The following GLYATL1 variants were observed in gnomAD, a reference collection of about 807,000 sequenced individuals.
GLYATL1 encodes the protein glycine N-acyltransferase-like protein 1.
In GLYATL1, 15 loss-of-function variants were observed where a neutral mutation model predicts 20.0. That is an observed-to-expected ratio of 0.75 (90% CI 0.50 to 1.15). GLYATL1 has a LOEUF of 1.15. GLYATL1 is among the 50% of genes most tolerant of loss of function. The pLI, the probability that GLYATL1 is intolerant of heterozygous loss-of-function variation, is 0.00. For missense variants in GLYATL1, 380 were observed against 368.5 expected, an observed-to-expected ratio of 1.03 and a Z score of -0.26; for synonymous variants, 151 against 131.5, an observed-to-expected ratio of 1.15 and a Z score of -1.01.
chr11:58,908,363 G>C (rs940404140), exon 2 of GLYATL1: 1 of 152,964 alleles, frequency 6.5e-6, no homozygotes, highest in African/African-American at 2.4e-5. Context: ...CATAGATCTT[G>C]TTTTTTTGTT....
intron 4 of GLYATL1, among the ~76,000 whole-genome samples, chr11:58,949,862 T>C (rs948475076): frequency 6.6e-6 from 1 of 152,024 alleles, no homozygotes; most frequent in Non-Finnish European, 1.5e-5. Context: ...AATTTTTTCA[T>C]TGTTGATTTT....
chr11:58,917,869 C>G (rs1855213038), intron 1 of GLYATL1, among the ~76,000 whole-genome samples: 1 of 152,210 alleles, frequency 6.6e-6, no homozygotes, highest in African/African-American at 2.4e-5. Context: ...ATAATGTTAT[C>G]AAGACTTCAC....
chr11:58,941,286 C>A (rs1372852929), intron 1 of GLYATL1, among the ~76,000 whole-genome samples: 2 of 146,354 alleles, frequency 1.4e-5, no homozygotes, highest in East Asian at 4.1e-4. Flanking sequence ...TGAGAACATG[C>A]GGTGTTTGGT....
chr11:58,944,548 A>T (rs1856429194), intron 2 of GLYATL1, among the ~76,000 whole-genome samples: 1 of 152,226 alleles, frequency 6.6e-6, no homozygotes, highest in Non-Finnish European at 1.5e-5. Context: ...TCAATGGTAC[A>T]AACTAAAATT....
At chr11:58,939,712 A>G (rs994850139) in intron 1 of GLYATL1, 62 bp downstream of exon 1, 1 of 152,182 alleles carries the variant, frequency 6.6e-6, no homozygotes, top group Admixed American at 6.5e-5. Context: ...GAAATTTTTA[A>G]AGGAATTTCC....
Position 58,907,260 on chromosome 11 carries a change from G to C in GLYATL1, n.258G>C, listed in dbSNP as rs75947442. On this transcript the variant is annotated non_coding_transcript_exon_variant, in exon 2 of 2. Transcript: ENST00000524629. ...CTGCAGGTCACCCGCCAGGTTTGTG[G>C]CCTGTGATCTCTTGTCACCTTGGTC... 428 of 456,212 alleles carry C rather than the reference G, an allele frequency of 9.4e-4. 2 individuals carry two copies. Among genetic ancestry groups the C allele is most frequent in the African/African-American group, 8.0e-3 (399 of 50,166 alleles). 28.3% of individuals were successfully genotyped at this position (456,212 alleles called of 1,614,324 possible).
chr11:58,955,672 A>G lies in GLYATL1; in HGVS notation c.554A>G (p.Asn185Ser), dbSNP rs1857355393. ...TCTTATTCTGGGCTGGTAAATGACAACTGGAAGCGAGGGAAGAATGAGAGG... is the reference window on the plus strand; with the variant it reads ...TCTTATTCTGGGCTGGTAAATGACAGCTGGAAGCGAGGGAAGAATGAGAGG... ...DVSYSGLVNDNWKRGKNERSL... is the reference protein window; with the variant it reads ...DVSYSGLVNDSWKRGKNERSL... The change falls in exon 7 of 7, where the codon AAC becomes AGC. Residue 185 changes from asparagine to serine, a missense_variant. Coordinates refer to ENST00000532726, the MANE Select transcript of GLYATL1 (RefSeq NM_001389712.2). 1 of 1,614,174 alleles carries G rather than the reference A, an allele frequency of 6.2e-7. No individual in the cohort carries two copies. Among genetic ancestry groups the G allele is most frequent in the Non-Finnish European group, 8.5e-7 (1 of 1,180,034 alleles).
intron 4 of GLYATL1, among the ~76,000 whole-genome samples, chr11:58,948,206 C>T (rs1028658244): frequency 2.6e-5 from 4 of 152,150 alleles, no homozygotes; most frequent in African/African-American, 9.7e-5. Flanking sequence ...GGCTGACACT[C>T]ACAGATTAAG....
chr11:58,948,887 G>A (rs750607657), intron 4 of GLYATL1, among the ~76,000 whole-genome samples: 24 of 152,166 alleles, frequency 1.6e-4, no homozygotes, highest in Non-Finnish European at 3.1e-4. Context: ...AAGTGCAGTG[G>A]ACTCTACCAC....
downstream of GLYATL1, among the ~76,000 whole-genome samples, chr11:58,910,516 T>G (rs73483003): frequency 1.3e-5 from 2 of 152,162 alleles, no homozygotes; most frequent in Non-Finnish European, 2.9e-5. Flanking sequence ...GTGGCTGTGG[T>G]ATTAGACAAT....
chr11:58,954,901 C>A lies in GLYATL1; in HGVS notation c.313+5C>A, dbSNP rs368951690. 3.1e-6 allele frequency: 5 copies of A among 1,604,566 alleles called. No individual in the cohort carries two copies. In the African/African-American group the frequency reaches 5.4e-5, roughly 17 times the overall value. ...AACAGAGACTCCAAATCCAAGGTAA[C>A]GAGTCTGAAGAAATGGGCAAGCAGC... On this transcript the variant is annotated splice_donor_5th_base_variant and intron_variant, in intron 5 of 6. Transcript: ENST00000532726.
chr11:58,955,912 C>G lies in GLYATL1; in HGVS notation c.794C>G (p.Ser265Cys). The change falls in exon 7 of 7, where the codon TCT becomes TGT. Residue 265 changes from serine (S) to cysteine (C), a missense_variant. Coordinates refer to ENST00000532726, the MANE Select transcript of GLYATL1 (RefSeq NM_001389712.2). ...LRQKNIPFYISVLEENEDSRR... is the reference protein window; with the variant it reads ...LRQKNIPFYICVLEENEDSRR... ...CAGAAGAATATTCCATTTTACATCT[C>G]TGTGTTGGAAGAAAATGAAGACTCC... 2 of 1,614,202 alleles carry G rather than the reference C, an allele frequency of 1.2e-6. No individual in the cohort carries two copies. The highest frequency in any genetic ancestry group is 2.2e-5 in the South Asian group (2 of 91,080).
exon 2 of GLYATL1, chr11:58,907,349 A>T (rs754597015): frequency 2.2e-5 from 10 of 456,130 alleles, no homozygotes; most frequent in Non-Finnish European, 4.4e-5. Context: ...CTTCCTTGCG[A>T]CACTGGCCTG....
intron 1 of GLYATL1, among the ~76,000 whole-genome samples, 164 bp downstream of exon 1, chr11:58,939,814 G>T (rs1205824450): frequency 6.6e-6 from 1 of 152,216 alleles, no homozygotes; most frequent in Non-Finnish European, 1.5e-5. Context: ...TTGTCATTGT[G>T]TGTGTGTCCA....
At chr11:58,939,154 A>G (rs117525869), upstream of GLYATL1, among the ~76,000 whole-genome samples, 24 of 152,190 alleles carry the variant, frequency 1.6e-4, no homozygotes, top group Admixed American at 8.5e-4. Flanking sequence ...CTCAAAAAGT[A>G]TCAAAGAATT....
At chr11:58,915,597 C>G (rs1450285889) in intron 1 of GLYATL1, among the ~76,000 whole-genome samples, 1 of 152,200 alleles carries the variant, frequency 6.6e-6, no homozygotes, top group Admixed American at 6.5e-5. Flanking sequence ...AGACTCACCT[C>G]AGATATATTA....
chr11:58,912,357 G>T (rs1855065918), downstream of GLYATL1, among the ~76,000 whole-genome samples: 1 of 152,340 alleles, frequency 6.6e-6, no homozygotes, highest in African/African-American at 2.4e-5. Flanking sequence ...CCAGTCAACT[G>T]TTAGTGGCTC....
rs1856944861 is a variant in GLYATL1 at position 58,950,913 on chromosome 11, T to A, written c.186+2948T>A. Among the ~76,000 whole-genome samples the A allele has an allele frequency of 2.0e-5, 3 of 152,198 alleles. No homozygotes were observed. In the South Asian group the frequency reaches 6.2e-4, roughly 32 times the overall value. ...ACTTTTACACTGGGGTTTTGTGTCA[T>A]TCTTAAAATTTTGTAAGTGTTTTGG... On this transcript the variant is annotated intron_variant, in intron 4 of 6. Transcript: ENST00000532726.
chr11:58,947,201 G>C, intron 3 of GLYATL1, 36 bp downstream of exon 3: 1 of 1,597,940 alleles, frequency 6.3e-7, no homozygotes, highest in South Asian at 1.1e-5. Flanking sequence ...TATGGGAGTA[G>C]GGGTGTTGAG....
Sources: gnomAD v4.1 joint callset for allele counts (sites outside exome capture counted in the v4.1 genomes callset) on GRCh38, gnomAD v4.1.1 for gene constraint, MANE v1.5 for transcripts, NCBI Gene and HGNC (gene_info 2026-07-23, HGNC 2026-07-21) for gene names.